Variants in BTRC observed in about 807,000 individuals in gnomAD.
The protein encoded by BTRC is F-box/WD repeat-containing protein 1A.
In BTRC, 42 loss-of-function variants were observed where a neutral mutation model predicts 85.5. The ratio of observed to expected loss-of-function variants is 0.49; its 90% CI spans 0.38 to 0.64. The LOEUF (loss-of-function observed/expected upper bound fraction) is 0.64, where lower values mean the gene tolerates loss of function less well. Among genes scored for constraint, BTRC ranks in the 30% least tolerant of loss-of-function variants. The pLI, the probability that BTRC is intolerant of heterozygous loss-of-function variation, is 0.00. For missense variants in BTRC, 594 were observed against 743.5 expected (o/e 0.80, Z 2.34); for synonymous variants, 255 against 263.3 (o/e 0.97, Z 0.30).
intron 13 of BTRC, among the ~76,000 whole-genome samples, chr10:101,549,572 G>T (rs1391713586): frequency 1.3e-5 from 2 of 151,730 alleles, no homozygotes; most frequent in African/African-American, 4.8e-5. Flanking sequence ...AAATTAGCCA[G>T]GTGTGGTGGC....
At chr10:101,505,786 A>G (rs1012688955) in intron 4 of BTRC, among the ~76,000 whole-genome samples, 3 of 152,184 alleles carry the variant, frequency 2.0e-5, no homozygotes, top group African/African-American at 7.2e-5. Context: ...CTATTTTTAG[A>G]AAATGAATTA....
At chr10:101,441,556 T>C (rs1337307000) in intron 2 of BTRC, among the ~76,000 whole-genome samples, 2 of 152,202 alleles carry the variant, frequency 1.3e-5, no homozygotes, top group Non-Finnish European at 2.9e-5. Flanking sequence ...TCTTGAAGCA[T>C]CTTGCTTTTA....
intron 1 of BTRC, among the ~76,000 whole-genome samples, chr10:101,361,445 T>C (rs899895877): frequency 1.3e-5 from 2 of 152,228 alleles, no homozygotes; most frequent in African/African-American, 4.8e-5. Context: ...TTTCTAAATG[T>C]GTATAGTGAG....
chr10:101,476,807 C>A (rs1298625840), intron 3 of BTRC, among the ~76,000 whole-genome samples: 2 of 152,128 alleles, frequency 1.3e-5, no homozygotes, highest in African/African-American at 2.4e-5. Context: ...AAATTGAATT[C>A]TTTGTTACTG....
At chr10:101,492,966 G>C (rs1589546041) in intron 4 of BTRC, among the ~76,000 whole-genome samples, 2 of 152,114 alleles carry the variant, frequency 1.3e-5, no homozygotes, top group East Asian at 3.8e-4. Context: ...TTATAAAACT[G>C]ATTTTTTAGT....
intron 2 of BTRC, among the ~76,000 whole-genome samples, chr10:101,447,536 GAAC>G (rs1266204032): frequency 4.6e-5 from 7 of 152,092 alleles, no homozygotes; most frequent in Non-Finnish European, 8.8e-5. Flanking sequence ...TGTACTGTAA[GAAC>G]AACTACTATG....
intron 3 of BTRC, among the ~76,000 whole-genome samples, chr10:101,476,821 G>A (rs1433275022): frequency 1.3e-5 from 2 of 152,054 alleles, no homozygotes; most frequent in African/African-American, 4.8e-5. Flanking sequence ...GTTACTGTTG[G>A]TTTTGAGTGT....
intron 1 of BTRC, among the ~76,000 whole-genome samples, chr10:101,397,181 G>A (rs966819949): frequency 1.3e-5 from 2 of 152,200 alleles, no homozygotes; most frequent in Admixed American, 6.5e-5. Context: ...TACTTTGTTA[G>A]TGGGGAAATC....
intron 3 of BTRC, among the ~76,000 whole-genome samples, chr10:101,470,699 G>T (rs866798257): frequency 8.5e-5 from 13 of 152,110 alleles, no homozygotes; most frequent in African/African-American, 2.4e-4. Flanking sequence ...CCATGATTGT[G>T]AAGATATTCT....
At chr10:101,545,513 A>T (rs1254343199) in intron 13 of BTRC, among the ~76,000 whole-genome samples, 1 of 152,228 alleles carries the variant, frequency 6.6e-6, no homozygotes, top group East Asian at 1.9e-4. Flanking sequence ...CAAGAGGTAA[A>T]TAAGGTTAAA....
At chr10:101,501,318 T>C (rs946091002) in intron 4 of BTRC, among the ~76,000 whole-genome samples, 2 of 152,236 alleles carry the variant, frequency 1.3e-5, no homozygotes, top group South Asian at 4.1e-4. Context: ...AACTGGATTA[T>C]AGACTCAAAG....
chr10:101,407,380 T>A (rs148363852), intron 1 of BTRC, among the ~76,000 whole-genome samples: 1 of 152,324 alleles, frequency 6.6e-6, no homozygotes, highest in East Asian at 1.9e-4. Flanking sequence ...GAAATTTTCA[T>A]AATGTATTTT....
chr10:101,514,501 A>G (rs2061996961), intron 4 of BTRC, among the ~76,000 whole-genome samples: 1 of 151,562 alleles, frequency 6.6e-6, no homozygotes, highest in Non-Finnish European at 1.5e-5. Flanking sequence ...CACCCAATCT[A>G]GAGTGCAGTA....
chr10:101,442,262 A>ATCTCTCTCTCTC (rs10531761), intron 2 of BTRC, among the ~76,000 whole-genome samples: 1,918 of 129,176 alleles, frequency 0.015, 24 homozygotes, highest in Non-Finnish European at 0.023. Context: ...TTGAATTAGA[A>ATCTCTCTCTCTC]TCTCTCTCTC....
chr10:101,355,733 T>C (rs1942015830), intron 1 of BTRC, among the ~76,000 whole-genome samples: 1 of 152,238 alleles, frequency 6.6e-6, no homozygotes, highest in African/African-American at 2.4e-5. Flanking sequence ...TTTTAGACTT[T>C]AAACTGCCCC....
intron 1 of BTRC, among the ~76,000 whole-genome samples, chr10:101,413,675 GA>G (rs990956015): frequency 3.3e-5 from 5 of 150,646 alleles, no homozygotes; most frequent in Non-Finnish European, 3.0e-5. Flanking sequence ...TACATTAAAG[GA>G]AAAAAAAACT....
rs140932704 is a variant in BTRC at position 101,440,795 on chromosome 10, C to T, written c.156+10343C>T. ...AATGTGAAAGGCAAGAGCTGTTCTG[C>T]ATCAGTCTAGTGAAATGCACTGGAA... On this transcript the variant is annotated intron_variant, in intron 2 of 14. Transcript: ENST00000370187. 6.4e-3 allele frequency among the ~76,000 whole-genome samples: 978 copies of T among 152,222 alleles called. 8 individuals are homozygous for T. The highest frequency in any genetic ancestry group is 0.022 in the African/African-American group (928 of 41,530).
intron 4 of BTRC, among the ~76,000 whole-genome samples, chr10:101,498,178 G>A (rs1292811842): frequency 1.3e-5 from 2 of 151,940 alleles, no homozygotes; most frequent in African/African-American, 4.8e-5. Flanking sequence ...TTTTGAGATG[G>A]AGTCTCATCC....
At chr10:101,483,620 T>C (rs1945904538) in intron 4 of BTRC, among the ~76,000 whole-genome samples, 1 of 151,440 alleles carries the variant, frequency 6.6e-6, no homozygotes, top group African/African-American at 2.4e-5. Flanking sequence ...TGTAGGAGGG[T>C]CTATTTTATC....
Sources: allele counts gnomAD v4.1 joint callset (sites outside exome capture counted in the v4.1 genomes callset), GRCh38; gene constraint gnomAD v4.1.1; transcripts MANE v1.5; gene names NCBI Gene and HGNC (gene_info 2026-07-23, HGNC 2026-07-21).